Variants in TBC1D9 observed in about 807,000 individuals in gnomAD.
TBC1D9 encodes TBC1 domain family member 9.
Under a neutral mutation model 132.0 loss-of-function variants are expected in TBC1D9, and 63 were observed. That is an observed-to-expected ratio of 0.48 (90% confidence interval 0.39 to 0.59). The LOEUF (loss-of-function observed/expected upper bound fraction) is 0.59, where lower values mean the gene tolerates loss of function less well. Among genes scored for constraint, TBC1D9 ranks in the 20% least tolerant of loss-of-function variants. The pLI is 0.00. For missense variants in TBC1D9, 1,261 were observed against 1,592.7 expected (o/e 0.79, Z 3.54); for synonymous variants, 610 against 609.9 (o/e 1.00, Z 0.00).
chr4:140,712,069 G>GATAA (rs1463618502), intron 1 of TBC1D9: 1 of 152,012 alleles, frequency 6.6e-6, no homozygotes, highest in African/African-American at 2.4e-5. Flanking sequence ...CAGTTACCAT[G>GATAA]GTTATACTAA....
chr4:140,632,834 T>C (rs1736819361), intron 16 of TBC1D9, among the ~76,000 whole-genome samples: 1 of 152,246 alleles, frequency 6.6e-6, no homozygotes, highest in Admixed American at 6.5e-5. Flanking sequence ...AGGCATGCAG[T>C]AAATGCTGTA....
chr4:140,685,801 A>G (rs910843471), intron 3 of TBC1D9, among the ~76,000 whole-genome samples: 1 of 152,214 alleles, frequency 6.6e-6, no homozygotes, highest in Non-Finnish European at 1.5e-5. Flanking sequence ...ACATGGAGAC[A>G]GAGTAGAATG....
At chr4:140,663,729 C>A (rs934595580) in intron 9 of TBC1D9, among the ~76,000 whole-genome samples, 4 of 152,070 alleles carry the variant, frequency 2.6e-5, no homozygotes, top group Non-Finnish European at 4.4e-5. Flanking sequence ...GAAGTCCTAT[C>A]ATTTTTGATA....
At chr4:140,699,712 T>C (rs1374386177) in intron 2 of TBC1D9, among the ~76,000 whole-genome samples, 1 of 152,098 alleles carries the variant, frequency 6.6e-6, no homozygotes, top group Non-Finnish European at 1.5e-5. Context: ...TTGTACCAGA[T>C]GGGATACTGA....
At chr4:140,622,980 G>A in intron 20 of TBC1D9, 63 bp from the exon 21 acceptor site, 2 of 1,452,932 alleles carry the variant, frequency 1.4e-6, no homozygotes, top group Non-Finnish European at 1.8e-6. Flanking sequence ...CAGCACTGAA[G>A]TGGACTGTAA....
At chr4:140,651,370 G>C (rs1417462833) in intron 13 of TBC1D9, among the ~76,000 whole-genome samples, 1 of 152,160 alleles carries the variant, frequency 6.6e-6, no homozygotes, top group African/African-American at 2.4e-5. Flanking sequence ...GGCTGAGCTG[G>C]AAGGATGGCT....
At chr4:140,656,429 G>T (rs1418162186) in intron 13 of TBC1D9, among the ~76,000 whole-genome samples, 2 of 152,048 alleles carry the variant, frequency 1.3e-5, no homozygotes, top group African/African-American at 4.8e-5. Context: ...AGAACACATA[G>T]GTCTCCTGTG....
Position 140,645,021 on chromosome 4 carries a change from G to A in TBC1D9, c.2338-5593C>T, listed in dbSNP as rs375429131. 1,390 of 473,228 alleles carry A rather than the reference G, an allele frequency of 2.9e-3. 19 individuals are homozygous for A. Among genetic ancestry groups the A allele is most frequent in the South Asian group, 0.022 (1,356 of 61,360 alleles). 29.3% of individuals were successfully genotyped at this position (473,228 alleles called of 1,614,324 possible). ...GCCCGAGCGGGACAACCAGGGGTGCGTGGCCAGATGGGTTGCGGGGTCCAC... is the reference window on the plus strand; with the variant it reads ...GCCCGAGCGGGACAACCAGGGGTGCATGGCCAGATGGGTTGCGGGGTCCAC... On this transcript the variant is annotated intron_variant, in intron 13 of 20. Transcript: ENST00000442267.
At position 140,645,773 on chromosome 4, in the gene TBC1D9, A is replaced by G. The variant is rs1378637069; in HGVS notation, c.2338-6345T>C. ...ACTCATTAGTTCTAGTGGCCTCTTC[A>G]TGTTCCCCAAGTGCATCATGCAGGC... On this transcript the variant is annotated intron_variant, in intron 13 of 20. Coordinates refer to ENST00000442267, the MANE Select transcript of TBC1D9 (RefSeq NM_015130.3). Among the ~76,000 whole-genome samples, 3 of 151,994 alleles carry G rather than the reference A, an allele frequency of 2.0e-5. No homozygotes were observed. In the East Asian group the frequency reaches 5.8e-4, roughly 29 times the overall value.
chr4:140,666,732 A>G (rs1294103213), intron 9 of TBC1D9, among the ~76,000 whole-genome samples: 1 of 116,928 alleles, frequency 8.6e-6, no homozygotes, highest in Non-Finnish European at 1.8e-5. Flanking sequence ...CTGTGAATAT[A>G]CTAAAAAAAA....
chr4:140,750,536 T>C (rs1247334957), intron 1 of TBC1D9, among the ~76,000 whole-genome samples: 1 of 151,200 alleles, frequency 6.6e-6, no homozygotes, highest in Non-Finnish European at 1.5e-5. Flanking sequence ...AGACATAATA[T>C]ACAACAGAGT....
At chr4:140,687,837 G>A (rs1452565147) in intron 2 of TBC1D9, among the ~76,000 whole-genome samples, 1 of 152,102 alleles carries the variant, frequency 6.6e-6, no homozygotes, top group Non-Finnish European at 1.5e-5. Context: ...TGTAATCCTG[G>A]CACTTTGGGA....
At chr4:140,634,859 A>G (rs1034416689) in intron 15 of TBC1D9, among the ~76,000 whole-genome samples, 7 of 152,146 alleles carry the variant, frequency 4.6e-5, no homozygotes, top group Non-Finnish European at 1.0e-4. Context: ...CAGCGTAGGA[A>G]CCACTCCGGC....
rs376218820 is a variant in TBC1D9 at position 140,657,829 on chromosome 4, T to C, written c.1922-17A>G. On this transcript the variant is annotated splice_polypyrimidine_tract_variant and intron_variant, in intron 11 of 20. Transcript: ENST00000442267. ...CCAGTGCACCTGTGGCAGCGATGTATACAAAAAGGCGCAGCTTAGCCAACT... is the reference window on the plus strand; with the variant it reads ...CCAGTGCACCTGTGGCAGCGATGTACACAAAAAGGCGCAGCTTAGCCAACT... 18 of 1,600,310 alleles carry C rather than the reference T, an allele frequency of 1.1e-5. No homozygotes were observed. Among genetic ancestry groups the C allele is most frequent in the Non-Finnish European group, 1.4e-5 (17 of 1,173,832 alleles).
chr4:140,652,993 G>C (rs990815741), intron 13 of TBC1D9, among the ~76,000 whole-genome samples: 1 of 152,132 alleles, frequency 6.6e-6, no homozygotes, highest in South Asian at 2.1e-4. Context: ...CCTTCCAGGA[G>C]GGGCATCTCA....
chr4:140,702,005 G>T (rs1173516225), intron 1 of TBC1D9, among the ~76,000 whole-genome samples: 1 of 152,214 alleles, frequency 6.6e-6, no homozygotes, highest in Non-Finnish European at 1.5e-5. Context: ...TCATCAAGTG[G>T]AGAAGAAGGT....
intron 13 of TBC1D9, among the ~76,000 whole-genome samples, chr4:140,652,889 T>G (rs920510668): frequency 6.6e-6 from 1 of 152,236 alleles, no homozygotes; most frequent in Non-Finnish European, 1.5e-5. Context: ...TTAACACTTT[T>G]CAGACTAAAC....
intron 13 of TBC1D9, chr4:140,643,472 G>A: frequency 1.1e-6 from 1 of 895,368 alleles, no homozygotes. Flanking sequence ...GGTAGCAGGT[G>A]CTGCCGGGCA....
intron 3 of TBC1D9, among the ~76,000 whole-genome samples, chr4:140,684,191 TAGG>T (rs962178604): frequency 6.6e-5 from 10 of 150,922 alleles, no homozygotes; most frequent in Non-Finnish European, 1.3e-4. Context: ...TGCTTGAGCC[TAGG>T]AGTTCAAGAC....
Sources: allele counts gnomAD v4.1 joint callset (sites outside exome capture counted in the v4.1 genomes callset), GRCh38; gene constraint gnomAD v4.1.1; transcripts MANE v1.5; gene names NCBI Gene and HGNC (gene_info 2026-07-23, HGNC 2026-07-21).